Variants in ACBD6 observed in about 807,000 individuals in gnomAD.
The protein encoded by ACBD6 is acyl-CoA-binding domain-containing protein 6.
A neutral mutation model predicts 37.2 loss-of-function variants in ACBD6; 28 were observed. The observed-to-expected ratio is 0.75, with a 90% CI of 0.56 to 1.03. ACBD6 has a LOEUF of 1.03. Among genes scored for constraint, ACBD6 ranks in the 50% least tolerant of loss-of-function variants. The pLI is 0.00. For synonymous variants in ACBD6, 113 were observed against 126.8 expected (o/e 0.89, Z 0.73); for missense variants, 340 against 337.4 (o/e 1.01, Z -0.06).
chr1:180,464,208 A>G (rs1323220104), intron 3 of ACBD6, among the ~76,000 whole-genome samples: 1 of 152,212 alleles, frequency 6.6e-6, no homozygotes. Flanking sequence ...GGCAAGAAAA[A>G]GAAAGAAAGG....
intron 2 of ACBD6, 107 bp from the exon 3 acceptor site, chr1:180,492,472 T>C (rs1051244410): frequency 1.2e-5 from 10 of 851,534 alleles, no homozygotes; most frequent in Non-Finnish European, 2.0e-5. Context: ...TCTCTGAATA[T>C]AGAGATAATA....
Position 180,331,272 on chromosome 1 carries a change from C to T in ACBD6, c.664-16550G>A, listed in dbSNP as rs12097960. On this transcript the variant is annotated intron_variant, in intron 6 of 7. Transcript: ENST00000367595. ...TTCTTCCCAGTCCAAATTAATTTAC[C>T]AATCAAGGGGTCATTTTTGTCATAA... Among the ~76,000 whole-genome samples, 1,051 of 152,172 alleles carry T rather than the reference C, an allele frequency of 6.9e-3. 12 individuals carry two copies. Among genetic ancestry groups the T allele is most frequent in the African/African-American group, 0.024 (1,005 of 41,498 alleles).
At chr1:180,467,591 C>T (rs570342428) in intron 3 of ACBD6, among the ~76,000 whole-genome samples, 75 of 152,004 alleles carry the variant, frequency 4.9e-4, no homozygotes, top group South Asian at 8.3e-4. Context: ...TTTGAGGCCG[C>T]AGGGAGCTAT....
At chr1:180,350,065 G>A (rs6694896) in intron 6 of ACBD6, among the ~76,000 whole-genome samples, 19,941 of 136,200 alleles carry the variant, frequency 0.15, 1,499 homozygotes, top group Middle Eastern at 0.22. Context: ...TTGCTCTGTC[G>A]CCCAGGCTGG....
intron 7 of ACBD6, 28 bp downstream of exon 7, chr1:180,314,664 A>T: frequency 6.7e-7 from 1 of 1,495,268 alleles, no homozygotes; most frequent in South Asian, 1.1e-5. Context: ...TTCAAATATG[A>T]TTACTTAATA....
chr1:180,371,778 T>C (rs1337585627), intron 6 of ACBD6, among the ~76,000 whole-genome samples: 1 of 152,142 alleles, frequency 6.6e-6, no homozygotes, highest in Admixed American at 6.5e-5. Flanking sequence ...AAGTGGAATC[T>C]AGACAATGAA....
chr1:180,468,346 G>A (rs1650429713), intron 3 of ACBD6, among the ~76,000 whole-genome samples: 1 of 152,156 alleles, frequency 6.6e-6, no homozygotes, highest in Non-Finnish European at 1.5e-5. Flanking sequence ...CATGAGTTTG[G>A]CTGGATAGGA....
chr1:180,285,875 G>A (rs946411874), downstream of ACBD6, among the ~76,000 whole-genome samples: 4 of 151,152 alleles, frequency 2.6e-5, no homozygotes, highest in Admixed American at 1.3e-4. Flanking sequence ...CCTTCTACCT[G>A]ACAAGCATAA....
rs1358472604 is a variant in ACBD6 at position 180,337,266 on chromosome 1, A to C, written c.664-22544T>G. ...GCAAAAATCCTCAATAAAATACTGA[A>C]AAACCGAATCCAGCAGCACATCAAA... On this transcript the variant is annotated intron_variant, in intron 6 of 7. Coordinates refer to ENST00000367595, the MANE Select transcript of ACBD6 (RefSeq NM_032360.4). 4.9e-3 allele frequency among the ~76,000 whole-genome samples: 737 copies of C among 151,914 alleles called. 5 individuals carry two copies. Among genetic ancestry groups the C allele is most frequent in the African/African-American group, 0.017 (696 of 41,258 alleles).
intron 4 of ACBD6, among the ~76,000 whole-genome samples, chr1:180,417,121 G>A (rs765084043): frequency 1.2e-4 from 19 of 152,080 alleles, no homozygotes; most frequent in Non-Finnish European, 2.6e-4. Context: ...GAATTTGTGG[G>A]CTCTAGGGTA....
intron 7 of ACBD6, among the ~76,000 whole-genome samples, chr1:180,296,207 T>C (rs569696521): frequency 2.6e-5 from 4 of 152,206 alleles, no homozygotes; most frequent in African/African-American, 9.6e-5. Flanking sequence ...AGCAAGGCTC[T>C]GGCTCTTTCA....
At chr1:180,391,634 T>C (rs572569629) in intron 6 of ACBD6, among the ~76,000 whole-genome samples, 10 of 152,018 alleles carry the variant, frequency 6.6e-5, no homozygotes, top group African/African-American at 1.2e-4. Flanking sequence ...GTGGCTATAA[T>C]CAACAAGACA....
chr1:180,349,853 A>AT (rs1422111909), intron 6 of ACBD6, among the ~76,000 whole-genome samples: 6 of 152,058 alleles, frequency 3.9e-5, no homozygotes, highest in Non-Finnish European at 7.4e-5. Context: ...TGTAAAACTG[A>AT]TTTTTTTCTC....
At chr1:180,495,635 T>C (rs1467546200) in intron 1 of ACBD6, 110 bp from the exon 2 acceptor site, 2 of 808,488 alleles carry the variant, frequency 2.5e-6, no homozygotes, top group Admixed American at 4.8e-5. Context: ...GGAAAATATT[T>C]GCATCTATAT....
intron 6 of ACBD6, among the ~76,000 whole-genome samples, chr1:180,361,275 CTTTTTTTT>C (rs34773334): frequency 7.4e-6 from 1 of 135,692 alleles, no homozygotes; most frequent in Non-Finnish European, 1.6e-5. Flanking sequence ...TTTTTTTTTC[CTTTTTTTT>C]TTTTTTTTAA....
intron 5 of ACBD6, among the ~76,000 whole-genome samples, chr1:180,398,881 AATAG>A (rs71667416): frequency 0.1 from 15,804 of 152,198 alleles, 1,168 homozygotes; most frequent in African/African-American, 0.2. Context: ...AAAAGATTTA[AATAG>A]ATATAAGCTA....
intron 6 of ACBD6, among the ~76,000 whole-genome samples, chr1:180,365,008 C>T (rs1274823124): frequency 5.9e-5 from 9 of 152,106 alleles, no homozygotes; most frequent in Non-Finnish European, 7.4e-5. Context: ...GCTGGGATTA[C>T]GGGCATGAGC....
At chr1:180,395,881 C>T (rs55754938) in intron 6 of ACBD6, among the ~76,000 whole-genome samples, 6,602 of 152,182 alleles carry the variant, frequency 0.043, 454 homozygotes, top group African/African-American at 0.14. Context: ...TATTCATAAT[C>T]GCCAAAAGGT....
chr1:180,492,546 T>A (rs1192073222), intron 2 of ACBD6, among the ~76,000 whole-genome samples, 181 bp from the exon 3 acceptor site: 1 of 152,220 alleles, frequency 6.6e-6, no homozygotes, highest in East Asian at 1.9e-4. Flanking sequence ...ACAGACCTTA[T>A]TGCCCTACCT....
Sources: gnomAD v4.1 joint callset for allele counts (sites outside exome capture counted in the v4.1 genomes callset) on GRCh38, gnomAD v4.1.1 for gene constraint, MANE v1.5 for transcripts, NCBI Gene and HGNC (gene_info 2026-07-23, HGNC 2026-07-21) for gene names.